CHST8: variants seen among roughly 807,000 people sequenced by gnomAD.
The protein encoded by CHST8 is GALNAC-4-ST1.
In CHST8, 10 loss-of-function variants were observed where a neutral mutation model predicts 15.0. That is an observed-to-expected ratio of 0.67 (90% CI 0.41 to 1.13). CHST8 has a LOEUF of 1.13. CHST8 is among the 50% of genes most tolerant of loss of function. The probability of loss-of-function intolerance (pLI) is 0.00; values close to 1 mark genes in which losing one functional copy is unlikely to be tolerated. For synonymous variants in CHST8, 259 were observed against 256.6 expected, an observed-to-expected ratio of 1.01 and a Z score of -0.09; for missense variants, 634 against 608.2, an observed-to-expected ratio of 1.04 and a Z score of -0.45.
intron 3 of CHST8, among the ~76,000 whole-genome samples, chr19:33,751,634 C>A (rs889433283): frequency 6.6e-6 from 1 of 152,206 alleles, no homozygotes; most frequent in East Asian, 1.9e-4. Flanking sequence ...CGGGCACTGG[C>A]AGGCAGCATC....
intron 3 of CHST8, among the ~76,000 whole-genome samples, chr19:33,692,242 A>G (rs867772808): frequency 2.0e-5 from 3 of 152,254 alleles, no homozygotes; most frequent in Non-Finnish European, 4.4e-5. Flanking sequence ...TTTGTGTAAC[A>G]GAGAATTCAC....
At chr19:33,757,739 G>A (rs530087221) in intron 3 of CHST8, among the ~76,000 whole-genome samples, 117 of 151,640 alleles carry the variant, frequency 7.7e-4, no homozygotes, top group African/African-American at 2.7e-3. Flanking sequence ...TTAAGAGATG[G>A]GATCTCACTA....
intron 2 of CHST8, among the ~76,000 whole-genome samples, chr19:33,671,311 G>A (rs1020886202): frequency 6.6e-6 from 1 of 152,130 alleles, no homozygotes; most frequent in African/African-American, 2.4e-5. Context: ...CATGAGAATG[G>A]TGGACAGATT....
chr19:33,631,536 G>A (rs1972122450), intron 1 of CHST8, among the ~76,000 whole-genome samples: 2 of 152,160 alleles, frequency 1.3e-5, no homozygotes, highest in Non-Finnish European at 2.9e-5. Flanking sequence ...GTCATTTAGC[G>A]AGGATTACCA....
chr19:33,670,780 G>A (rs910247696), intron 2 of CHST8, among the ~76,000 whole-genome samples: 29 of 152,218 alleles, frequency 1.9e-4, no homozygotes, highest in Admixed American at 1.9e-3. Flanking sequence ...CATGTCGGGG[G>A]GCTCTGTTCA....
chr19:33,700,073 C>A (rs962234765), intron 3 of CHST8, among the ~76,000 whole-genome samples: 2 of 152,184 alleles, frequency 1.3e-5, no homozygotes, highest in African/African-American at 2.4e-5. Flanking sequence ...CCGGTCCTCG[C>A]GCAGCTGGGC....
intron 1 of CHST8, among the ~76,000 whole-genome samples, chr19:33,643,406 C>G (rs919315599): frequency 3.3e-5 from 5 of 152,212 alleles, no homozygotes; most frequent in Admixed American, 3.3e-4. Flanking sequence ...GTTCTCTGCT[C>G]CCTCCCTCCC....
At chr19:33,701,833 A>C (rs1295309299) in intron 3 of CHST8, among the ~76,000 whole-genome samples, 1 of 152,162 alleles carries the variant, frequency 6.6e-6, no homozygotes, top group Non-Finnish European at 1.5e-5. Flanking sequence ...ACTGAAACTT[A>C]GGGAGATTCA....
intron 1 of CHST8, among the ~76,000 whole-genome samples, chr19:33,645,623 G>T (rs994466242): frequency 3.9e-5 from 6 of 152,244 alleles, no homozygotes; most frequent in Admixed American, 3.9e-4. Flanking sequence ...TGTTGGAGGG[G>T]CTTAGGCTAA....
intron 2 of CHST8, among the ~76,000 whole-genome samples, 178 bp from the exon 3 acceptor site, chr19:33,688,998 G>C (rs974209779): frequency 1.3e-5 from 2 of 152,168 alleles, no homozygotes; most frequent in Non-Finnish European, 2.9e-5. Context: ...TCCAGCCACA[G>C]GTGGGAACAG....
At chr19:33,719,937 G>T (rs1973750860) in intron 3 of CHST8, among the ~76,000 whole-genome samples, 1 of 152,114 alleles carries the variant, frequency 6.6e-6, no homozygotes. Context: ...TCAGGCACTA[G>T]ATAGAAATGG....
chr19:33,672,770 C>T (rs893058960), intron 2 of CHST8, among the ~76,000 whole-genome samples: 3 of 152,146 alleles, frequency 2.0e-5, no homozygotes, highest in Non-Finnish European at 4.4e-5. Context: ...GGACGCTTGG[C>T]GTGGATGTCT....
intron 3 of CHST8, among the ~76,000 whole-genome samples, chr19:33,699,571 G>A (rs1568333533): frequency 6.6e-6 from 1 of 152,128 alleles, no homozygotes; most frequent in Non-Finnish European, 1.5e-5. Flanking sequence ...GTGGAGCCAG[G>A]GGTCTCCCTC....
chr19:33,654,834 A>G (rs951141750), intron 1 of CHST8, among the ~76,000 whole-genome samples: 1 of 152,120 alleles, frequency 6.6e-6, no homozygotes, highest in Non-Finnish European at 1.5e-5. Flanking sequence ...GTGGGCACCA[A>G]TGCCCCAGGC....
At chr19:33,667,562 T>A (rs1021338695) in intron 1 of CHST8, among the ~76,000 whole-genome samples, 1 of 152,156 alleles carries the variant, frequency 6.6e-6, no homozygotes, top group East Asian at 1.9e-4. Flanking sequence ...AAATTGTTCT[T>A]GTCTGTTTTG....
chr19:33,757,566 A>G (rs1974622299), intron 3 of CHST8, among the ~76,000 whole-genome samples: 2 of 139,392 alleles, frequency 1.4e-5, no homozygotes, highest in African/African-American at 2.7e-5. Context: ...GAAAGAAAGA[A>G]AGAAAGAAAG....
intron 3 of CHST8, among the ~76,000 whole-genome samples, chr19:33,691,742 C>T (rs983209215): frequency 6.6e-6 from 1 of 152,212 alleles, no homozygotes; most frequent in African/African-American, 2.4e-5. Context: ...GGGCCCTTGA[C>T]AATTCTCCCT....
chr19:33,757,584 GAAAGAAAGAAAGAAAGAAAGA>G (rs1568359089), intron 3 of CHST8, among the ~76,000 whole-genome samples: 2 of 141,474 alleles, frequency 1.4e-5, no homozygotes, highest in African/African-American at 5.3e-5. Flanking sequence ...AAGAAAGAAA[GAAAGAAAGAAAGAAAGAAAGA>G]GCCGGCCATT....
At chr19:33,758,022 C>T (rs904378876) in intron 3 of CHST8, among the ~76,000 whole-genome samples, 28 of 151,958 alleles carry the variant, frequency 1.8e-4, no homozygotes, top group Admixed American at 4.6e-4. Context: ...TCCAGACCCT[C>T]GGCAGGGAAG....
Sources: gnomAD v4.1 joint callset for allele counts (sites outside exome capture counted in the v4.1 genomes callset) on GRCh38, gnomAD v4.1.1 for gene constraint, MANE v1.5 for transcripts, NCBI Gene and HGNC (gene_info 2026-07-23, HGNC 2026-07-21) for gene names.